CDKAL1: variants seen among roughly 807,000 people sequenced by gnomAD.
The protein encoded by CDKAL1 is threonylcarbamoyladenosine tRNA methylthiotransferase.
A neutral mutation model predicts 68.2 loss-of-function variants in CDKAL1; 32 were observed. The observed-to-expected ratio is 0.47, with a 90% CI of 0.35 to 0.63. The LOEUF (loss-of-function observed/expected upper bound fraction) is 0.63. Among genes scored for constraint, CDKAL1 ranks in the 30% least tolerant of loss-of-function variants. The pLI is 0.00. For missense variants in CDKAL1, 606 were observed against 696.7 expected (o/e 0.87, Z 1.47); for synonymous variants, 234 against 244.3 (o/e 0.96, Z 0.39).
chr6:20,989,139 T>TA lies in CDKAL1; in HGVS notation c.910-11079dup, dbSNP rs200955841. On this transcript the variant is annotated intron_variant, in intron 10 of 15. Coordinates refer to ENST00000274695, the MANE Select transcript of CDKAL1 (RefSeq NM_017774.3). ...GTAATACGGTTTACCGCAGAAACAG[T>TA]AAAAAAAAATACCTATGTCATAGCA... is the stretch of plus-strand genomic sequence containing the variant. Among the ~76,000 whole-genome samples, 72 of 149,446 alleles carry TA rather than the reference T, an allele frequency of 4.8e-4. No individual in the cohort carries two copies. In the East Asian group the frequency reaches 7.1e-3, roughly 15 times the overall value.
At chr6:20,872,654 C>T (rs1760285892) in intron 9 of CDKAL1, among the ~76,000 whole-genome samples, 1 of 152,092 alleles carries the variant, frequency 6.6e-6, no homozygotes, top group Non-Finnish European at 1.5e-5. Context: ...GCCTTGTGTC[C>T]TATTCGTTTT....
intron 9 of CDKAL1, among the ~76,000 whole-genome samples, chr6:20,859,619 A>G (rs1189533046): frequency 6.6e-6 from 1 of 152,232 alleles, no homozygotes; most frequent in Non-Finnish European, 1.5e-5. Flanking sequence ...GACAATTCAA[A>G]GAATATGGGA....
intron 9 of CDKAL1, among the ~76,000 whole-genome samples, chr6:20,868,410 C>T (rs902221382): frequency 6.6e-6 from 1 of 152,210 alleles, no homozygotes; most frequent in Non-Finnish European, 1.5e-5. Flanking sequence ...CTCTTCAAGA[C>T]AGTTTGCCTT....
intron 13 of CDKAL1, among the ~76,000 whole-genome samples, chr6:21,139,207 G>T (rs750352928): frequency 1.3e-5 from 2 of 152,136 alleles, no homozygotes; most frequent in Non-Finnish European, 2.9e-5. Flanking sequence ...TTTTTAATTG[G>T]CTCTTTCACC....
chr6:20,645,515 AG>A (rs900430771), intron 4 of CDKAL1, among the ~76,000 whole-genome samples: 4 of 151,972 alleles, frequency 2.6e-5, no homozygotes, highest in Non-Finnish European at 5.9e-5. Context: ...GTAGATCACG[AG>A]GTCAAGAGAT....
intron 9 of CDKAL1, among the ~76,000 whole-genome samples, chr6:20,874,001 G>C (rs1396643076): frequency 6.6e-6 from 1 of 152,148 alleles, no homozygotes; most frequent in Non-Finnish European, 1.5e-5. Flanking sequence ...AGTCCCAGAT[G>C]GGGGAGCTGT....
chr6:20,662,439 C>T (rs970928092), intron 5 of CDKAL1, among the ~76,000 whole-genome samples: 1 of 152,020 alleles, frequency 6.6e-6, no homozygotes, highest in Admixed American at 6.6e-5. Context: ...CTCAAAGTGC[C>T]CTATGTTTAC....
intron 9 of CDKAL1, among the ~76,000 whole-genome samples, chr6:20,910,742 G>T (rs1762432124): frequency 1.3e-5 from 2 of 152,162 alleles, no homozygotes; most frequent in Non-Finnish European, 1.5e-5. Context: ...ATTTTCACAG[G>T]AGCACAAGTT....
At chr6:21,010,637 G>T (rs1049339668) in intron 11 of CDKAL1, among the ~76,000 whole-genome samples, 1 of 152,250 alleles carries the variant, frequency 6.6e-6, no homozygotes, top group Admixed American at 6.5e-5. Context: ...GAAATCAAGG[G>T]AGCATGTACA....
Position 20,739,591 on chromosome 6 carries a change from C to T in CDKAL1, c.444C>T (p.Tyr148=). The T allele has an allele frequency of 6.2e-7, 1 of 1,610,676 alleles. No homozygotes were observed. ...CVPQAQPRQD[Y]LKGLSIIGVQ... is the part of the protein sequence containing the mutation. ...CTCAAGCCCAGCCTCGCCAGGACTA[C>T]CTTAAGGGACTGAGTATCATTGGGG... is the stretch of plus-strand genomic sequence containing the variant. The change falls in exon 6 of 16, where the codon TAC becomes TAT. Residue 148 remains tyrosine (Y), a synonymous_variant. Coordinates refer to ENST00000274695, the MANE Select transcript of CDKAL1 (RefSeq NM_017774.3).
chr6:20,820,305 C>G (rs893549152), intron 8 of CDKAL1, among the ~76,000 whole-genome samples: 1 of 152,128 alleles, frequency 6.6e-6, no homozygotes, highest in Non-Finnish European at 1.5e-5. Flanking sequence ...TCATTCTGCT[C>G]TAATGATAGT....
chr6:21,220,608 C>A (rs12191541), intron 15 of CDKAL1, among the ~76,000 whole-genome samples: 1 of 152,118 alleles, frequency 6.6e-6, no homozygotes. Context: ...TACACCCTCC[C>A]CTTATTTTGG....
chr6:20,868,143 A>C (rs1388197895), intron 9 of CDKAL1, among the ~76,000 whole-genome samples: 1 of 152,208 alleles, frequency 6.6e-6, no homozygotes, highest in Non-Finnish European at 1.5e-5. Flanking sequence ...TAATTTGTGC[A>C]TATAAAAAGG....
intron 2 of CDKAL1, among the ~76,000 whole-genome samples, chr6:20,545,441 T>G (rs1014824540): frequency 6.6e-6 from 1 of 152,132 alleles, no homozygotes; most frequent in Non-Finnish European, 1.5e-5. Context: ...TTAATCTATT[T>G]TTTCTTCTTT....
chr6:21,154,576 A>G (rs1426931362), intron 13 of CDKAL1, among the ~76,000 whole-genome samples: 1 of 152,246 alleles, frequency 6.6e-6, no homozygotes, highest in Admixed American at 6.5e-5. Flanking sequence ...GTCTTTTGAT[A>G]TAATGTTAAA....
intron 4 of CDKAL1, among the ~76,000 whole-genome samples, chr6:20,552,991 A>G (rs1012079489): frequency 6.6e-6 from 1 of 152,232 alleles, no homozygotes; most frequent in Non-Finnish European, 1.5e-5. Flanking sequence ...CGTTAATCAA[A>G]TGGAAACCTA....
At chr6:20,790,214 AAAC>A (rs1268138140) in intron 8 of CDKAL1, among the ~76,000 whole-genome samples, 2 of 152,226 alleles carry the variant, frequency 1.3e-5, no homozygotes, top group Non-Finnish European at 2.9e-5. Context: ...AACAAGCACA[AAAC>A]AATAAAGTTA....
intron 11 of CDKAL1, among the ~76,000 whole-genome samples, chr6:21,009,610 T>C (rs113401328): frequency 1.1e-4 from 17 of 152,296 alleles, no homozygotes; most frequent in African/African-American, 3.6e-4. Flanking sequence ...AGCCTAAATG[T>C]CCATCATCAG....
Position 20,874,132 on chromosome 6 carries a change from T to C in CDKAL1, c.742+27954T>C, listed in dbSNP as rs146467694. 3.2e-3 allele frequency among the ~76,000 whole-genome samples: 487 copies of C among 152,128 alleles called. 2 individuals are homozygous for C. Among genetic ancestry groups the C allele is most frequent in the African/African-American group, 9.1e-3 (377 of 41,494 alleles). On this transcript the variant is annotated intron_variant, in intron 9 of 15. Transcript: ENST00000274695. ...GGTTAGAGGTAGAGTTAGGGGGAGA[T>C]GGCTAAAGCCCCATAAAAGCTACTC...
Sources: gnomAD v4.1 joint callset for allele counts (sites outside exome capture counted in the v4.1 genomes callset) on GRCh38, gnomAD v4.1.1 for gene constraint, MANE v1.5 for transcripts, NCBI Gene and HGNC (gene_info 2026-07-23, HGNC 2026-07-21) for gene names.